NAXD: variants seen among roughly 807,000 people sequenced by gnomAD.
NAXD encodes the protein NAD(P)HX dehydratase.
NAXD carries 22 observed loss-of-function variants against 35.8 expected under a neutral mutation model. The observed-to-expected ratio is 0.62, with a 90% confidence interval of 0.44 to 0.88. NAXD has a LOEUF of 0.88. Among genes scored for constraint, NAXD ranks in the 40% least tolerant of loss-of-function variants. The pLI, the probability that NAXD is intolerant of heterozygous loss-of-function variation, is 0.00. For synonymous variants in NAXD, 189 were observed against 177.6 expected, an observed-to-expected ratio of 1.06 and a Z score of -0.51; for missense variants, 428 against 437.7, an observed-to-expected ratio of 0.98 and a Z score of 0.20.
At chr13:110,619,934 A>G (rs955396495) in intron 1 of NAXD, among the ~76,000 whole-genome samples, 1 of 151,958 alleles carries the variant, frequency 6.6e-6, no homozygotes, top group Non-Finnish European at 1.5e-5. Context: ...GAGTAGCTGG[A>G]ATTACAGGCA....
In NAXD at chr13:110,638,942, T is replaced by C. The variant is rs568566659; in HGVS notation, c.*414T>C. 5 of 358,150 alleles carry C rather than the reference T, an allele frequency of 1.4e-5. No individual in the cohort carries two copies. The East Asian group carries it at 3.7e-4, about 26-fold the overall frequency. The allele number at this position is 358,150 out of a possible 1,614,324, so 22.2% of individuals were successfully genotyped here. ...TCTGCTTCCCTTCCCTAGTCTTTCCTCCGGCAGGGAGCTGGGCAGGGGTCC... is the reference window on the plus strand; with the variant it reads ...TCTGCTTCCCTTCCCTAGTCTTTCCCCCGGCAGGGAGCTGGGCAGGGGTCC... On this transcript the variant is annotated 3_prime_UTR_variant, in exon 10 of 10. Coordinates refer to ENST00000680254, the MANE Select transcript of NAXD (RefSeq NM_001242882.2). The surrounding 1 kb of genome is among the most constrained non-coding windows in gnomAD (Gnocchi z 5.4).
chr13:110,616,069 C>T (rs549544469), intron 1 of NAXD: 170 of 353,800 alleles, frequency 4.8e-4, no homozygotes, highest in African/African-American at 3.4e-3. Flanking sequence ...GGTAGGAGGG[C>T]CCTGGGGCGC....
intron 5 of NAXD, among the ~76,000 whole-genome samples, chr13:110,630,889 C>G (rs953928295): frequency 6.6e-6 from 1 of 152,170 alleles, no homozygotes; most frequent in South Asian, 2.1e-4. Context: ...TGCAACTGCC[C>G]GGTCTTGACT....
Position 110,635,510 on chromosome 13 carries a change from C to T in NAXD, c.640C>T (p.Leu214=), listed in dbSNP as rs1886889491. The T allele has an allele frequency of 2.5e-6, 4 of 1,614,178 alleles. No homozygotes were observed. In the South Asian group the frequency reaches 3.3e-5, roughly 13 times the overall value. The change falls in exon 8 of 10, where the codon CTA becomes TTA. Residue 214 remains leucine, a synonymous_variant. Coordinates refer to ENST00000680254, the MANE Select transcript of NAXD (RefSeq NM_001242882.2). ...MDSDDSHGSV[L]RLSQALGNVT... ...CAGCGATGACAGCCATGGATCTGTGCTAAGACTCAGCCAAGCCCTGGGCAA... is the reference window on the plus strand; with the variant it reads ...CAGCGATGACAGCCATGGATCTGTGTTAAGACTCAGCCAAGCCCTGGGCAA...
intron 7 of NAXD, 117 bp from the exon 8 acceptor site, chr13:110,635,351 C>T: frequency 8.0e-7 from 1 of 1,256,458 alleles, no homozygotes; most frequent in Admixed American, 2.0e-5. Flanking sequence ...TAACAGGTGC[C>T]TGGGTGATCC....
chr13:110,626,832 G>A (rs1418684028), intron 4 of NAXD, among the ~76,000 whole-genome samples: 1 of 152,228 alleles, frequency 6.6e-6, no homozygotes, highest in Non-Finnish European at 1.5e-5. Context: ...CGAACAGGAA[G>A]GAGTTCTGAA....
At chr13:110,625,536 C>A (rs1222373809) in intron 4 of NAXD, among the ~76,000 whole-genome samples, 2 of 152,162 alleles carry the variant, frequency 1.3e-5, no homozygotes, top group African/African-American at 4.8e-5. Flanking sequence ...GGCAGGGAGG[C>A]CCTGTGGGCT....
intron 2 of NAXD, among the ~76,000 whole-genome samples, chr13:110,623,258 A>T (rs1392311228): frequency 6.6e-6 from 1 of 152,192 alleles, no homozygotes; most frequent in African/African-American, 2.4e-5. Flanking sequence ...GGAGAAGGCC[A>T]TGTAAGGTGA....
In NAXD at chr13:110,630,302, A is replaced by G. The variant is rs1242966518; in HGVS notation, c.441+2755A>G. Among the ~76,000 whole-genome samples the G allele has an allele frequency of 2.6e-5, 4 of 152,302 alleles. No individual in the cohort carries two copies. The East Asian group carries it at 7.7e-4, about 29-fold the overall frequency. ...CTCAGCCTCCCAAAGTGCTGGGGTT[A>G]CAGGCGTGAGCTACCATGCCTGGCC... On this transcript the variant is annotated intron_variant, in intron 5 of 9. Transcript: ENST00000680254.
rs372896815 is a variant in NAXD at position 110,615,741 on chromosome 13, G to A, written c.46+94G>A. 231 of 1,485,054 alleles carry A rather than the reference G, an allele frequency of 1.6e-4. No individual in the cohort carries two copies. Among genetic ancestry groups the A allele is most frequent in the Non-Finnish European group, 2.0e-4 (226 of 1,122,560 alleles). The allele number at this position is 1,485,054 out of a possible 1,614,324, so 92.0% of individuals were successfully genotyped here. A position where few individuals can be genotyped will look rare whatever the true frequency, so the allele number is the denominator to read the frequency against. Reference sequence around the variant, plus strand: ...GGTCGTTGTCGCATTGCTCTCGGCCGCACTCGCGCTGTACGGGCCGCCACT... The same window carrying A: ...GGTCGTTGTCGCATTGCTCTCGGCCACACTCGCGCTGTACGGGCCGCCACT... On this transcript the variant is annotated intron_variant, in intron 1 of 9. Transcript: ENST00000680254.
chr13:110,634,493 C>T (rs1237637836), intron 5 of NAXD, 52 bp from the exon 6 acceptor site: 2 of 1,573,812 alleles, frequency 1.3e-6, no homozygotes, highest in Non-Finnish European at 1.7e-6. Flanking sequence ...AAGACACATA[C>T]CCACACCATA....
intron 1 of NAXD, among the ~76,000 whole-genome samples, chr13:110,616,736 TC>T (rs1019739704): frequency 1.2e-4 from 19 of 152,342 alleles, no homozygotes; most frequent in African/African-American, 4.6e-4. Flanking sequence ...ATTGCTGTTA[TC>T]CACCTTGGTA....
At chr13:110,624,854 C>G (rs546609562) in intron 3 of NAXD, among the ~76,000 whole-genome samples, 80 of 152,340 alleles carry the variant, frequency 5.3e-4, no homozygotes, top group African/African-American at 1.8e-3. Flanking sequence ...GCAGCTGAAG[C>G]CGCTGATCCT....
chr13:110,637,402 C>G (rs1035939660), intron 9 of NAXD, among the ~76,000 whole-genome samples, 153 bp downstream of exon 9: 3 of 152,200 alleles, frequency 2.0e-5, no homozygotes, highest in African/African-American at 7.2e-5. Flanking sequence ...ACCCTCTTGG[C>G]AGAAGCTTCC....
rs764210701 is a variant in NAXD at position 110,627,490 on chromosome 13, T to C, written c.384T>C (p.His128=). 8.7e-6 allele frequency: 14 copies of C among 1,614,198 alleles called. No individual in the cohort carries two copies. Among genetic ancestry groups the C allele is most frequent in the Non-Finnish European group, 7.6e-6 (9 of 1,180,020 alleles). ...TGGAGAAGTGGCTGCCCCGGCTGCATGCTCTTGTCGTAGGACCTGGCTTGG... is the reference window on the plus strand; with the variant it reads ...TGGAGAAGTGGCTGCCCCGGCTGCACGCTCTTGTCGTAGGACCTGGCTTGG... ...HEVEKWLPRL[H]ALVVGPGLGR... is the part of the protein sequence containing the mutation. Residue 128 remains histidine (H), a synonymous_variant, in exon 5 of 10, where the codon CAT becomes CAC. Transcript: ENST00000680254.
intron 1 of NAXD, among the ~76,000 whole-genome samples, chr13:110,620,575 T>A: frequency 7.6e-6 from 1 of 131,216 alleles, no homozygotes. Flanking sequence ...TGAGACTCTG[T>A]CTCAAAAAAA....
Position 110,628,814 on chromosome 13 carries a change from C to G in NAXD, c.441+1267C>G, listed in dbSNP as rs1393093984. Reference sequence around the variant, plus strand: ...GCGGTGCACGGCTGCTGCTTCCTGTCCAGCTCTGCATCCTGGGGGTGCGGA... The same window carrying G: ...GCGGTGCACGGCTGCTGCTTCCTGTGCAGCTCTGCATCCTGGGGGTGCGGA... On this transcript the variant is annotated intron_variant, in intron 5 of 9. Transcript: ENST00000680254. This position sits in a 1 kb window ranked among gnomAD's most constrained non-coding sequence, Gnocchi z 4.1. 1.3e-5 allele frequency among the ~76,000 whole-genome samples: 2 copies of G among 152,188 alleles called. No individual in the cohort carries two copies. The highest frequency in any genetic ancestry group is 2.9e-5 in the Non-Finnish European group (2 of 68,030).
chr13:110,633,178 G>GGAAGGCAGCTAAGGCCCGGTGA (rs1431963250), intron 5 of NAXD, among the ~76,000 whole-genome samples: 1 of 152,206 alleles, frequency 6.6e-6, no homozygotes, highest in East Asian at 1.9e-4. Context: ...CTGCCCGGCG[G>GGAAGGCAGCTAAGGCCCGGTGA]GAAGGCAGCT....
chr13:110,631,350 G>T (rs931098978), intron 5 of NAXD, among the ~76,000 whole-genome samples: 1 of 152,176 alleles, frequency 6.6e-6, no homozygotes, highest in Non-Finnish European at 1.5e-5. Context: ...CATCAGTGGT[G>T]TCCTGAATCT....
Sources: gnomAD v4.1 joint callset for allele counts (sites outside exome capture counted in the v4.1 genomes callset) on GRCh38, gnomAD v4.1.1 for gene constraint, Gnocchi (gnomAD v3.1) non-coding constraint, MANE v1.5 for transcripts, NCBI Gene and HGNC (gene_info 2026-07-23, HGNC 2026-07-21) for gene names.